SCRN3: variants seen among roughly 807,000 people sequenced by gnomAD.
SCRN3 encodes the protein secernin-3.
Under a neutral mutation model 43.1 loss-of-function variants are expected in SCRN3, and 39 were observed. That is an observed-to-expected ratio of 0.91 (90% CI 0.70 to 1.18). The LOEUF (loss-of-function observed/expected upper bound fraction) is 1.18, where lower values mean the gene tolerates loss of function less well. Ranked by LOEUF, SCRN3 falls within the 50% of genes most tolerant of loss-of-function variation. The pLI, the probability that SCRN3 is intolerant of heterozygous loss-of-function variation, is 0.00. For missense variants in SCRN3, 484 were observed against 498.0 expected, an observed-to-expected ratio of 0.97 and a Z score of 0.27; for synonymous variants, 147 against 163.1, an observed-to-expected ratio of 0.90 and a Z score of 0.75.
At chr2:174,408,451 C>T (rs1350698395) in intron 5 of SCRN3, among the ~76,000 whole-genome samples, 1 of 145,636 alleles carries the variant, frequency 6.9e-6, no homozygotes, top group African/African-American at 2.5e-5. Flanking sequence ...GAATTTAGTC[C>T]ATTTATATTT....
chr2:174,403,984 C>A, intron 4 of SCRN3, 119 bp from the exon 5 acceptor site: 1 of 700,598 alleles, frequency 1.4e-6, no homozygotes, highest in East Asian at 2.8e-5. Flanking sequence ...GCCCATGGCA[C>A]AAAATTTAGA....
At chr2:174,424,341 A>G (rs2105628593) in intron 6 of SCRN3, 134 bp from the exon 7 acceptor site, 1 of 648,776 alleles carries the variant, frequency 1.5e-6, no homozygotes, top group Non-Finnish European at 2.6e-6. Flanking sequence ...GGGTATAACT[A>G]ATGTGACAGG....
Position 174,414,094 on chromosome 2 carries a change from T to G in SCRN3, c.755-8791T>G, listed in dbSNP as rs137930436. ...TTCCTCCAGAATGTTACTTCATTTGTTAATTGTAAAGAGCCTTCAGGTAGT... is the reference window on the plus strand; with the variant it reads ...TTCCTCCAGAATGTTACTTCATTTGGTAATTGTAAAGAGCCTTCAGGTAGT... On this transcript the variant is annotated intron_variant, in intron 5 of 7. Transcript: ENST00000272732. Among the ~76,000 whole-genome samples, 372 of 152,310 alleles carry G rather than the reference T, an allele frequency of 2.4e-3. 1 individual carries two copies. The highest frequency in any genetic ancestry group is 8.6e-3 in the African/African-American group (356 of 41,574).
chr2:174,412,350 AAT>A (rs1559078303), intron 5 of SCRN3, among the ~76,000 whole-genome samples: 1 of 145,866 alleles, frequency 6.9e-6, no homozygotes, highest in African/African-American at 2.5e-5. Context: ...ATCTCCTGGG[AAT>A]TTTTTTTTTT....
intron 7 of SCRN3, among the ~76,000 whole-genome samples, chr2:174,426,023 TA>T (rs1333594873): frequency 2.0e-5 from 3 of 152,194 alleles, no homozygotes; most frequent in Non-Finnish European, 2.9e-5. Flanking sequence ...TTTAAATAGG[TA>T]AAAATATGTG....
At chr2:174,416,117 G>T (rs192616675) in intron 5 of SCRN3, among the ~76,000 whole-genome samples, 1 of 152,162 alleles carries the variant, frequency 6.6e-6, no homozygotes, top group Non-Finnish European at 1.5e-5. Context: ...CTGGGGTCCA[G>T]GGCCACCAAG....
At chr2:174,403,007 A>G (rs530555898) in intron 4 of SCRN3, among the ~76,000 whole-genome samples, 2 of 152,062 alleles carry the variant, frequency 1.3e-5, no homozygotes, top group African/African-American at 4.8e-5. Flanking sequence ...TTTTGGTTCT[A>G]GACTTATTTA....
intron 5 of SCRN3, among the ~76,000 whole-genome samples, chr2:174,406,628 G>A (rs982716078): frequency 1.0e-4 from 15 of 150,004 alleles, no homozygotes; most frequent in Non-Finnish European, 2.1e-4. Context: ...TTTGAAATAT[G>A]TCCCATCAAT....
At chr2:174,427,542 G>T (rs988470460) in intron 7 of SCRN3, among the ~76,000 whole-genome samples, 171 bp from the exon 8 acceptor site, 1 of 152,054 alleles carries the variant, frequency 6.6e-6, no homozygotes, top group Admixed American at 6.6e-5. Flanking sequence ...CTAGAGCAAT[G>T]ATTTTCCCAA....
chr2:174,399,116 A>G (rs1188133457), intron 2 of SCRN3, among the ~76,000 whole-genome samples: 4 of 152,252 alleles, frequency 2.6e-5, no homozygotes, highest in Non-Finnish European at 5.9e-5. Flanking sequence ...GGAACTTAAA[A>G]TGAGAGCTTC....
At chr2:174,411,601 G>C (rs11677162) in intron 5 of SCRN3, among the ~76,000 whole-genome samples, 29,550 of 151,854 alleles carry the variant, frequency 0.19, 3,334 homozygotes, top group Middle Eastern at 0.37. Flanking sequence ...TTAAAAAATC[G>C]TTAAGCACGT....
chr2:174,406,782 A>C (rs2105579648), intron 5 of SCRN3, among the ~76,000 whole-genome samples: 1 of 132,470 alleles, frequency 7.5e-6, no homozygotes, highest in East Asian at 2.2e-4. Flanking sequence ...CGTATATTGA[A>C]CCAGCCTTGC....
intron 5 of SCRN3, among the ~76,000 whole-genome samples, chr2:174,411,587 G>C (rs1685918347): frequency 6.6e-6 from 1 of 151,986 alleles, no homozygotes; most frequent in South Asian, 2.1e-4. Context: ...TTACTTTCAA[G>C]TTTTTAAAAA....
intron 5 of SCRN3, among the ~76,000 whole-genome samples, chr2:174,409,825 T>C (rs1426193066): frequency 1.4e-5 from 2 of 142,336 alleles, no homozygotes; most frequent in East Asian, 2.1e-4. Context: ...TTCTCAGATC[T>C]CCAGCTGCGT....
intron 1 of SCRN3, 168 bp downstream of exon 1, chr2:174,395,985 CA>C: frequency 7.3e-7 from 1 of 1,379,266 alleles, no homozygotes; most frequent in Non-Finnish European, 9.3e-7. Context: ...GCCCTTCGAC[CA>C]AAGGTGCTTG....
chr2:174,396,715 T>G (rs4972439), intron 1 of SCRN3, among the ~76,000 whole-genome samples: 1 of 151,822 alleles, frequency 6.6e-6, no homozygotes, highest in Non-Finnish European at 1.5e-5. Context: ...GGAGAATCAC[T>G]TGAACGCGGG....
intron 1 of SCRN3, among the ~76,000 whole-genome samples, chr2:174,397,787 A>G (rs1238287793): frequency 1.3e-5 from 2 of 152,206 alleles, no homozygotes; most frequent in African/African-American, 4.8e-5. Flanking sequence ...ATTCCCAAAT[A>G]TGGAAATGGT....
intron 1 of SCRN3, 48 bp downstream of exon 1, chr2:174,395,865 C>G (rs1190484319): frequency 6.9e-7 from 1 of 1,453,764 alleles, no homozygotes; most frequent in African/African-American, 1.4e-5. Flanking sequence ...AGACAGAAAC[C>G]CGGAAGACCC....
intron 5 of SCRN3, among the ~76,000 whole-genome samples, chr2:174,409,219 T>C (rs1016202437): frequency 4.6e-5 from 6 of 131,432 alleles, no homozygotes; most frequent in Non-Finnish European, 8.6e-5. Context: ...TCATCTTCCA[T>C]TGCTGATACC....
Sources: gnomAD v4.1 joint callset for allele counts (sites outside exome capture counted in the v4.1 genomes callset) on GRCh38, gnomAD v4.1.1 for gene constraint, MANE v1.5 for transcripts, NCBI Gene and HGNC (gene_info 2026-07-23, HGNC 2026-07-21) for gene names.